Variants in SLC29A1 observed in about 807,000 individuals in gnomAD.
SLC29A1 encodes solute carrier family 29 member 1 (Augustine blood group).
In SLC29A1, 22 loss-of-function variants were observed where a neutral mutation model predicts 48.3. The ratio of observed to expected loss-of-function variants is 0.46; its 90% confidence interval spans 0.33 to 0.65. The LOEUF is 0.65. Among genes scored for constraint, SLC29A1 ranks in the 30% least tolerant of loss-of-function variants. The pLI is 0.03. For missense variants in SLC29A1, 491 were observed against 575.3 expected, an observed-to-expected ratio of 0.85 and a Z score of 1.50; for synonymous variants, 228 against 231.0, an observed-to-expected ratio of 0.99 and a Z score of 0.12.
At position 44,230,566 on chromosome 6, in the gene SLC29A1, A is replaced by C; in HGVS notation, c.590-2A>C. ...TGTCTCTGATCACTGACACCACCCCAGGTGGCTCGGAGCTATCAGAAAGTG... is the reference window on the plus strand; with the variant it reads ...TGTCTCTGATCACTGACACCACCCCCGGTGGCTCGGAGCTATCAGAAAGTG... On this transcript the variant is annotated splice_acceptor_variant, in intron 6 of 12. Transcript: ENST00000371755. LOFTEE classifies it high-confidence loss of function. 1 of 1,614,026 alleles carries C rather than the reference A, an allele frequency of 6.2e-7. No homozygotes were observed. Among genetic ancestry groups the C allele is most frequent in the Non-Finnish European group, 8.5e-7 (1 of 1,179,888 alleles).
chr6:44,223,257 G>A (rs951269552), upstream of SLC29A1, among the ~76,000 whole-genome samples: 3 of 152,014 alleles, frequency 2.0e-5, no homozygotes, highest in African/African-American at 7.3e-5. This position sits in a 1 kb window ranked among gnomAD's most constrained non-coding sequence, Gnocchi z 5.0. Flanking sequence ...AGCAGCGGGT[G>A]TGTAAATGGA....
chr6:44,224,005 T>G, intron 1 of SLC29A1: 1 of 877,456 alleles, frequency 1.1e-6, no homozygotes, highest in Non-Finnish European at 1.4e-6. Flanking sequence ...CGGAGGGGTA[T>G]GGGGATGGGG....
upstream of SLC29A1, among the ~76,000 whole-genome samples, chr6:44,220,619 C>G (rs1243395675): frequency 5.3e-5 from 8 of 149,974 alleles, no homozygotes; most frequent in Non-Finnish European, 1.0e-4. Context: ...TCGAGACCAG[C>G]CTGACCAACG....
intron 9 of SLC29A1, 72 bp from the exon 10 acceptor site, chr6:44,231,926 G>T: frequency 8.6e-7 from 1 of 1,166,466 alleles, no homozygotes; most frequent in Non-Finnish European, 1.3e-6. Context: ...GCCTGGCCTG[G>T]ATTCGTGGTT....
At position 44,227,252 on chromosome 6, in the gene SLC29A1, G is replaced by GC. The variant is rs970249446; in HGVS notation, c.-51-6dup. 6.2e-6 allele frequency: 10 copies of GC among 1,611,074 alleles called. No homozygotes were observed. In the African/African-American group the frequency reaches 1.1e-4, roughly 17 times the overall value. On this transcript the variant is annotated splice_polypyrimidine_tract_variant and intron_variant, in intron 1 of 12. Coordinates refer to ENST00000371755, the MANE Select transcript of SLC29A1 (RefSeq NM_001372327.1). ...CAAGACAGGGCCTCACACTGTTCCT[G>GC]CCCCCAGCAGGCCCCTGAGGGAGGG... is the stretch of plus-strand genomic sequence containing the variant.
chr6:44,230,319 C>T, intron 5 of SLC29A1, 28 bp from the exon 6 acceptor site: 6 of 1,600,078 alleles, frequency 3.7e-6, no homozygotes, highest in Non-Finnish European at 5.1e-6. Flanking sequence ...CCCTAGCTCC[C>T]CTGCTCATGC....
upstream of SLC29A1, chr6:44,223,559 G>A (rs758739398): frequency 2.5e-6 from 3 of 1,197,852 alleles, no homozygotes; most frequent in Non-Finnish European, 2.1e-6. The surrounding 1 kb of genome is among the most constrained non-coding windows in gnomAD (Gnocchi z 5.0). Flanking sequence ...AGCGGAGGGC[G>A]GGTTTGAATG....
Position 44,232,682 on chromosome 6 carries a change from C to T in SLC29A1, c.1060-125C>T, listed in dbSNP as rs1015428925. On this transcript the variant is annotated intron_variant, in intron 11 of 12. Coordinates refer to ENST00000371755, the MANE Select transcript of SLC29A1 (RefSeq NM_001372327.1). This position sits in a 1 kb window ranked among gnomAD's most constrained non-coding sequence, Gnocchi z 4.7. ...TCCACCATGCCCCTTTCAAGAGTAACCCCCTAAGGAGAACCAGGCTTTGAG... is the reference window on the plus strand; with the variant it reads ...TCCACCATGCCCCTTTCAAGAGTAATCCCCTAAGGAGAACCAGGCTTTGAG... 1.4e-5 allele frequency: 12 copies of T among 863,206 alleles called. No homozygotes were observed. In the East Asian group the frequency reaches 2.1e-4, roughly 15 times the overall value. 53.5% of individuals were successfully genotyped at this position (863,206 alleles called of 1,614,324 possible).
upstream of SLC29A1, among the ~76,000 whole-genome samples, chr6:44,223,343 C>T (rs1322099963): frequency 6.6e-6 from 1 of 152,060 alleles, no homozygotes; most frequent in African/African-American, 2.4e-5. This position sits in a 1 kb window ranked among gnomAD's most constrained non-coding sequence, Gnocchi z 5.0. Context: ...CCCATGTACC[C>T]CACACGATGG....
At chr6:44,227,491 G>A (rs901871640) in intron 2 of SLC29A1, 149 bp downstream of exon 2, 9 of 693,324 alleles carry the variant, frequency 1.3e-5, no homozygotes, top group African/African-American at 3.6e-5. Context: ...TGGGGACCCC[G>A]TGTGCCTTGG....
At chr6:44,221,084 G>T (rs1048501047), upstream of SLC29A1, among the ~76,000 whole-genome samples, 2 of 151,984 alleles carry the variant, frequency 1.3e-5, no homozygotes, top group African/African-American at 4.8e-5. The surrounding 1 kb of genome is among the most constrained non-coding windows in gnomAD (Gnocchi z 4.2). Flanking sequence ...GGGTCTCACT[G>T]TGTTGCCCAG....
chr6:44,228,699 A>AT (rs1302527102), intron 2 of SLC29A1, among the ~76,000 whole-genome samples: 1 of 152,242 alleles, frequency 6.6e-6, no homozygotes, highest in Non-Finnish European at 1.5e-5. Context: ...GCCTTGAGGT[A>AT]TAGGGCTTGG....
upstream of SLC29A1, chr6:44,221,636 C>T: frequency 7.8e-7 from 1 of 1,289,766 alleles, no homozygotes; most frequent in South Asian, 1.2e-5. The surrounding 1 kb of genome is among the most constrained non-coding windows in gnomAD (Gnocchi z 4.2). Flanking sequence ...CAGGCAGAGA[C>T]TGAAGAGAGC....
At position 44,229,398 on chromosome 6, in the gene SLC29A1, C is replaced by G. The variant is rs753981739; in HGVS notation, c.38C>G (p.Ala13Gly). ...TTCCTCCTCCATTGCAGATACAAAG[C>G]TGTCTGGCTTATCTTCTTCATGCTG... is the stretch of plus-strand genomic sequence containing the variant. ...TSHQPQDRYK[A>G]VWLIFFMLGL... is the part of the protein sequence containing the mutation. Residue 13 changes from alanine to glycine, a missense_variant, in exon 3 of 13, where the codon GCT becomes GGT. Physicochemically the swap from Ala to Gly is moderately conservative, Grantham distance 60 (BLOSUM62 0). Transcript: ENST00000371755. The surrounding 1 kb of genome is among the most constrained non-coding windows in gnomAD (Gnocchi z 5.1). 7.4e-6 allele frequency: 12 copies of G among 1,613,758 alleles called. No homozygotes were observed. In the South Asian group the frequency reaches 1.2e-4, roughly 16 times the overall value.
intron 2 of SLC29A1, 136 bp downstream of exon 2, chr6:44,227,478 G>A: frequency 1.3e-6 from 1 of 753,726 alleles, no homozygotes; most frequent in Non-Finnish European, 2.3e-6. Context: ...TCTGCATCAG[G>A]GGTGGGGACC....
chr6:44,228,040 T>C (rs1777962510), intron 2 of SLC29A1, among the ~76,000 whole-genome samples: 1 of 152,210 alleles, frequency 6.6e-6, no homozygotes, highest in Non-Finnish European at 1.5e-5. Flanking sequence ...GCTTTGAGCA[T>C]GTAGCTTAAT....
intron 5 of SLC29A1, 119 bp downstream of exon 5, chr6:44,230,165 G>T (rs762683257): frequency 1.3e-6 from 2 of 1,498,632 alleles, no homozygotes; most frequent in African/African-American, 1.4e-5. Flanking sequence ...AGTGGATGCT[G>T]TGAGCAGCTG....
chr6:44,225,082 C>A (rs1777189929), intron 1 of SLC29A1, among the ~76,000 whole-genome samples: 1 of 152,122 alleles, frequency 6.6e-6, no homozygotes, highest in Non-Finnish European at 1.5e-5. Flanking sequence ...TTCTCCCCAC[C>A]CTAGGCCCCC....
At position 44,223,631 on chromosome 6, in the gene SLC29A1, T is replaced by C. The variant is rs1418123208; in HGVS notation, c.-62T>C. The C allele has an allele frequency of 1.7e-6, 2 of 1,209,682 alleles. No individual in the cohort carries two copies. The highest frequency in any genetic ancestry group is 1.6e-5 in the African/African-American group (1 of 61,166). 74.9% of individuals were successfully genotyped at this position (1,209,682 alleles called of 1,614,324 possible). A position where few individuals can be genotyped will look rare whatever the true frequency, so the allele number is the denominator to read the frequency against. ...GCGGATCTCAGCGCGGGAGCAGTGC[T>C]TCTGCGGCAGGTGCTGCCCGGGGCC... On this transcript the variant is annotated 5_prime_UTR_variant, in exon 1 of 13. Transcript: ENST00000371755. This position sits in a 1 kb window ranked among gnomAD's most constrained non-coding sequence, Gnocchi z 5.0.
Sources: allele counts gnomAD v4.1 joint callset (sites outside exome capture counted in the v4.1 genomes callset), GRCh38; gene constraint gnomAD v4.1.1; non-coding constraint Gnocchi (gnomAD v3.1); transcripts MANE v1.5; gene names NCBI Gene and HGNC (gene_info 2026-07-23, HGNC 2026-07-21).